The following PDK1 variants were observed in gnomAD, a reference collection of about 807,000 sequenced individuals.
PDK1 encodes [Pyruvate dehydrogenase (acetyl-transferring)] kinase isozyme 1, mitochondrial.
In PDK1, 39 loss-of-function variants were observed where a neutral mutation model predicts 54.2. The ratio of observed to expected loss-of-function variants is 0.72; its 90% CI spans 0.56 to 0.94. The LOEUF (loss-of-function observed/expected upper bound fraction) is 0.94. Ranked by LOEUF, PDK1 falls within the 40% of genes least tolerant of loss-of-function variation. The pLI, the probability that PDK1 is intolerant of heterozygous loss-of-function variation, is 0.00. For missense variants in PDK1, 552 were observed against 566.0 expected (o/e 0.98, Z 0.25); for synonymous variants, 221 against 207.1 (o/e 1.07, Z -0.58).
At chr2:172,664,311 CAAAA>C in the PDK1 span, among the ~76,000 whole-genome samples, 5 of 44,182 alleles carry the variant, frequency 1.1e-4, no homozygotes, top group South Asian at 2.0e-3. Flanking sequence ...AACTCTGCCT[CAAAA>C]AAAAAAAAAA....
the PDK1 span, among the ~76,000 whole-genome samples, chr2:172,653,192 A>G: frequency 0.055 from 8,324 of 152,246 alleles, 958 homozygotes; most frequent in East Asian, 0.53. Flanking sequence ...CTGATCTTTC[A>G]CAAACCTGAC....
chr2:172,720,469 T>C, the PDK1 span, among the ~76,000 whole-genome samples: 1 of 152,170 alleles, frequency 6.6e-6, no homozygotes, highest in African/African-American at 2.4e-5. Flanking sequence ...TCCTGTGTTG[T>C]AGCACCACAA....
the PDK1 span, among the ~76,000 whole-genome samples, chr2:172,626,094 A>G: frequency 6.6e-6 from 1 of 152,214 alleles, no homozygotes; most frequent in African/African-American, 2.4e-5. Flanking sequence ...TTGGGAGATT[A>G]TAATATCTCT....
At chr2:172,610,197 A>G (rs1449734463), downstream of PDK1, among the ~76,000 whole-genome samples, 1 of 152,202 alleles carries the variant, frequency 6.6e-6, no homozygotes, top group East Asian at 1.9e-4. Flanking sequence ...TGTGAATTCT[A>G]TAATATAGGA....
At chr2:172,667,625 C>T in the PDK1 span, among the ~76,000 whole-genome samples, 1 of 152,334 alleles carries the variant, frequency 6.6e-6, no homozygotes, top group East Asian at 1.9e-4. Context: ...GCAAATATTA[C>T]TGCAATGACC....
At chr2:172,614,181 C>A in the PDK1 span, among the ~76,000 whole-genome samples, 5 of 149,036 alleles carry the variant, frequency 3.4e-5, no homozygotes, top group African/African-American at 5.0e-5. Flanking sequence ...GACCCCCCCC[C>A]CCAACCCCCA....
chr2:172,679,739 T>C, the PDK1 span, among the ~76,000 whole-genome samples: 3 of 149,024 alleles, frequency 2.0e-5, no homozygotes, highest in South Asian at 6.4e-4. Flanking sequence ...TGGAAAAAAA[T>C]GGGGAGAGAA....
At chr2:172,634,262 A>ATATTATTAT in the PDK1 span, among the ~76,000 whole-genome samples, 1,873 of 139,458 alleles carry the variant, frequency 0.013, 30 homozygotes, top group East Asian at 0.045. Context: ...AAATCTATTT[A>ATATTATTAT]TATTATTATT....
the PDK1 span, chr2:172,723,484 A>C: frequency 6.6e-6 from 1 of 152,248 alleles, no homozygotes; most frequent in Non-Finnish European, 1.5e-5. Flanking sequence ...TTGAGGAAAC[A>C]GACACATCCA....
the PDK1 span, among the ~76,000 whole-genome samples, chr2:172,691,646 A>T: frequency 6.6e-6 from 1 of 152,348 alleles, no homozygotes; most frequent in East Asian, 1.9e-4. Flanking sequence ...GCAGAATGTC[A>T]TATAGTTGGA....
rs538241255 is a variant in PDK1, at chr2:172,585,316, A to ATTTTTT, written c.946-940_946-935dup. 7.8e-4 allele frequency among the ~76,000 whole-genome samples: 81 copies of ATTTTTT among 103,294 alleles called. 4 individuals are homozygous for ATTTTTT. The highest frequency in any genetic ancestry group is 3.1e-3 in the African/African-American group (70 of 22,394). 67.8% of individuals were successfully genotyped at this position (103,294 alleles called of 152,430 possible). The stretch of plus-strand genomic sequence containing the variant: ...GCCCAGCCTAGTACATGCATTTTTA[A>ATTTTTT]TTTTTTTTTTTTTTTTTTTTTTTTT... On this transcript the variant is annotated intron_variant, in intron 8 of 10. Transcript: ENST00000282077.
the PDK1 span, among the ~76,000 whole-genome samples, chr2:172,632,351 G>A: frequency 6.6e-6 from 1 of 152,052 alleles, no homozygotes; most frequent in African/African-American, 2.4e-5. Context: ...TAGGAAAAAG[G>A]GAACTCTTTA....
the PDK1 span, among the ~76,000 whole-genome samples, chr2:172,630,767 C>CTACA: frequency 1.3e-5 from 2 of 152,014 alleles, no homozygotes; most frequent in African/African-American, 4.8e-5. Flanking sequence ...GTAGCTGGGA[C>CTACA]TACAGGTGCA....
At chr2:172,619,813 G>A in the PDK1 span, among the ~76,000 whole-genome samples, 2 of 152,138 alleles carry the variant, frequency 1.3e-5, no homozygotes, top group African/African-American at 4.8e-5. Flanking sequence ...GGAAGAAAGA[G>A]GATGCTGCAA....
intron 10 of PDK1, among the ~76,000 whole-genome samples, chr2:172,595,300 G>A (rs1224106528): frequency 2.6e-5 from 4 of 152,016 alleles, no homozygotes; most frequent in Non-Finnish European, 4.4e-5. Context: ...CAACTCCTGA[G>A]CTCAAGCAAT....
At chr2:172,652,232 A>G in the PDK1 span, among the ~76,000 whole-genome samples, 141 of 152,334 alleles carry the variant, frequency 9.3e-4, no homozygotes, top group African/African-American at 3.1e-3. Context: ...TGATTATCTC[A>G]ATAGATGCAG....
chr2:172,648,198 G>C, the PDK1 span, among the ~76,000 whole-genome samples: 1 of 152,146 alleles, frequency 6.6e-6, no homozygotes, highest in African/African-American at 2.4e-5. Flanking sequence ...CCACAGTTTA[G>C]TTAACAGTAT....
intron 2 of PDK1, among the ~76,000 whole-genome samples, chr2:172,561,118 G>C (rs1431109600): frequency 6.6e-6 from 1 of 152,088 alleles, no homozygotes; most frequent in East Asian, 1.9e-4. Flanking sequence ...AATTATGATG[G>C]GATATAATGG....
At position 172,608,208 on chromosome 2, in the gene PDK1, C is replaced by T. The variant is rs1266401468; in HGVS notation, c.*12239C>T. On this transcript the variant is annotated 3_prime_UTR_variant, in exon 11 of 11. Coordinates refer to ENST00000282077, the MANE Select transcript of PDK1 (RefSeq NM_002610.5). ...ATGGGATGATAATGATATTGCTGTA[C>T]TAAAGTCTATTTAGGAAATGGAAAT... 6.6e-6 allele frequency: 1 copy of T among 151,646 alleles called. No homozygotes were observed. Among genetic ancestry groups the T allele is most frequent in the Non-Finnish European group, 1.5e-5 (1 of 67,894 alleles). The allele number at this position is 151,646 out of a possible 1,614,324, so 9.4% of individuals were successfully genotyped here.
Sources: allele counts gnomAD v4.1 joint callset (sites outside exome capture counted in the v4.1 genomes callset), GRCh38; gene constraint gnomAD v4.1.1; transcripts MANE v1.5; gene names NCBI Gene and HGNC (gene_info 2026-07-23, HGNC 2026-07-21).